Variants in LRRC7 observed in about 807,000 individuals in gnomAD.
LRRC7 encodes leucine-rich repeat-containing protein 7.
A neutral mutation model predicts 175.7 loss-of-function variants in LRRC7; 23 were observed. The ratio of observed to expected loss-of-function variants is 0.13; its 90% confidence interval spans 0.09 to 0.19. The LOEUF (loss-of-function observed/expected upper bound fraction) is 0.19, where lower values mean the gene tolerates loss of function less well. Among genes scored for constraint, LRRC7 ranks in the 10% least tolerant of loss-of-function variants. The pLI is 1.00. For missense variants in LRRC7, 1,354 were observed against 1,904.7 expected (o/e 0.71, Z 5.38); for synonymous variants, 685 against 680.9 (o/e 1.01, Z -0.09).
intron 1 of LRRC7, among the ~76,000 whole-genome samples, chr1:69,669,430 T>C (rs142488167): frequency 3.3e-5 from 5 of 152,342 alleles, no homozygotes; most frequent in African/African-American, 1.2e-4. Context: ...CTGAAAAGTC[T>C]GCTGCAAGAT....
intron 7 of LRRC7, among the ~76,000 whole-genome samples, chr1:69,884,767 C>G (rs1193150332): frequency 6.8e-6 from 1 of 147,000 alleles, no homozygotes; most frequent in Non-Finnish European, 1.5e-5. Flanking sequence ...ATAGGTAGCT[C>G]TTATTATTTT....
chr1:70,119,840 G>A (rs1225128998), intron 26 of LRRC7, among the ~76,000 whole-genome samples: 1 of 152,010 alleles, frequency 6.6e-6, no homozygotes, highest in Non-Finnish European at 1.5e-5. Flanking sequence ...TGCAGATAGA[G>A]AAATCTGAGC....
intron 8 of LRRC7, among the ~76,000 whole-genome samples, chr1:69,944,545 A>G (rs1649098468): frequency 6.6e-6 from 1 of 152,074 alleles, no homozygotes; most frequent in Non-Finnish European, 1.5e-5. Context: ...GCTGGATCAT[A>G]TAGTAGTTTT....
At chr1:69,638,339 A>C (rs1325542825) in intron 1 of LRRC7, among the ~76,000 whole-genome samples, 1 of 151,822 alleles carries the variant, frequency 6.6e-6, no homozygotes, top group East Asian at 1.9e-4. Flanking sequence ...TCAGATCTGT[A>C]CTTCTGTTTG....
rs769950298 is a variant in LRRC7, at chr1:70,039,330, T to C, written c.3506T>C (p.Val1169Ala). Residue 1169 changes from valine to alanine, a missense_variant, in exon 21 of 27, where the codon GTC (valine) becomes GCC (alanine). Physicochemically the swap from Val to Ala is moderately conservative, Grantham distance 64 (BLOSUM62 0). This residue lies in a region of LRRC7 where 1,032 missense variants were observed against 1,227.2 expected (regional missense o/e 0.84). Coordinates refer to ENST00000651989, the MANE Select transcript of LRRC7 (RefSeq NM_001370785.2). The part of the protein sequence containing the change: ...SATEMAMFRR[V>A]NEPHELPPTD... The stretch of plus-strand genomic sequence containing the variant: ...ACAGAAATGGCCATGTTTAGAAGGG[T>C]CAATGAGCCTCATGAGCTGCCCCCA... 20 of 1,613,756 alleles carry C rather than the reference T, an allele frequency of 1.2e-5. No homozygotes were observed. Among genetic ancestry groups the C allele is most frequent in the East Asian group, 4.5e-5 (2 of 44,858 alleles).
chr1:69,943,949 AACACAC>A (rs55900412), intron 8 of LRRC7, among the ~76,000 whole-genome samples: 3,801 of 145,468 alleles, frequency 0.026, 166 homozygotes, highest in African/African-American at 0.092. Context: ...TATCATGGTA[AACACAC>A]ACACACACAC....
intron 1 of LRRC7, among the ~76,000 whole-genome samples, chr1:69,671,805 T>C (rs375704305): frequency 5.3e-5 from 8 of 152,246 alleles, no homozygotes; most frequent in East Asian, 1.9e-4. Context: ...TTCAATGCGA[T>C]GTGTCATGCA....
intron 3 of LRRC7, among the ~76,000 whole-genome samples, chr1:69,781,921 A>AAAG (rs1218930625): frequency 1.9e-5 from 1 of 52,920 alleles, no homozygotes; most frequent in Non-Finnish European, 3.7e-5. Context: ...AAGAAGAAAG[A>AAAG]AAGAAAGAAA....
chr1:69,655,061 C>A (rs1477197757), intron 1 of LRRC7, among the ~76,000 whole-genome samples: 2 of 151,990 alleles, frequency 1.3e-5, no homozygotes, highest in African/African-American at 4.8e-5. Flanking sequence ...AACCAGTAGG[C>A]AAATTAATCC....
intron 11 of LRRC7, among the ~76,000 whole-genome samples, chr1:69,996,093 A>G (rs1393124883): frequency 6.6e-6 from 1 of 151,212 alleles, no homozygotes; most frequent in African/African-American, 2.4e-5. Flanking sequence ...AATGATTGCC[A>G]TTCTAACTGG....
At chr1:70,116,506 C>T (rs1665863828) in intron 26 of LRRC7, among the ~76,000 whole-genome samples, 1 of 147,246 alleles carries the variant, frequency 6.8e-6, no homozygotes, top group African/African-American at 2.5e-5. Context: ...AAGATCGCGC[C>T]ACTGCACTCT....
At chr1:70,082,030 A>C (rs559002762) in intron 24 of LRRC7, among the ~76,000 whole-genome samples, 2 of 152,350 alleles carry the variant, frequency 1.3e-5, no homozygotes, top group South Asian at 4.1e-4. Context: ...TCACTTTAAT[A>C]CTTAATATTA....
Position 70,036,225 on chromosome 1 carries a change from C to T in LRRC7, c.2100C>T (p.Asp700=), listed in dbSNP as rs1342922055. Residue 700 remains aspartate, a synonymous_variant, in exon 19 of 27, where the codon GAC becomes GAT. Coordinates refer to ENST00000651989, the MANE Select transcript of LRRC7 (RefSeq NM_001370785.2). Reference sequence around the variant, plus strand: ...CCAAACTTGTTCTGCTAGGGAAGGACAAAAAAGGTAACACTGTGAACCCAA... The same window carrying T: ...CCAAACTTGTTCTGCTAGGGAAGGATAAAAAAGGTAACACTGTGAACCCAA... ...YPPKLVLLGK[D]KKESTDESEV... is the part of the protein sequence containing the mutation. 8 of 1,609,014 alleles carry T rather than the reference C, an allele frequency of 5.0e-6. No homozygotes were observed. The Admixed American group carries it at 1.4e-4, about 27-fold the overall frequency.
chr1:69,764,009 G>A (rs1358473509), intron 3 of LRRC7, among the ~76,000 whole-genome samples: 2 of 151,926 alleles, frequency 1.3e-5, no homozygotes, highest in Non-Finnish European at 2.9e-5. Flanking sequence ...AGAACAAAAA[G>A]TCAAGGTAAA....
intron 5 of LRRC7, among the ~76,000 whole-genome samples, chr1:69,827,439 A>C (rs1364168600): frequency 6.6e-6 from 1 of 152,226 alleles, no homozygotes; most frequent in African/African-American, 2.4e-5. Flanking sequence ...TTCAGCAAAA[A>C]TGCATAACAC....
intron 8 of LRRC7, among the ~76,000 whole-genome samples, chr1:69,965,728 C>G (rs1176677432): frequency 6.6e-6 from 1 of 152,002 alleles, no homozygotes; most frequent in African/African-American, 2.4e-5. Context: ...ATGGTGCTAA[C>G]CTTTTCATCA....
At chr1:69,893,349 G>A (rs914905321) in intron 7 of LRRC7, among the ~76,000 whole-genome samples, 1 of 152,130 alleles carries the variant, frequency 6.6e-6, no homozygotes, top group Non-Finnish European at 1.5e-5. Flanking sequence ...ACTTTTCAAA[G>A]CACATGAAAC....
chr1:69,760,156 C>G (rs778877243), intron 2 of LRRC7, 35 bp from the exon 3 acceptor site: 25 of 1,600,026 alleles, frequency 1.6e-5, no homozygotes, highest in African/African-American at 2.7e-5. Context: ...ACTGGATAAG[C>G]TGTTTTGTTT....
At chr1:70,115,796 T>C (rs1338588754) in intron 26 of LRRC7, among the ~76,000 whole-genome samples, 2 of 150,776 alleles carry the variant, frequency 1.3e-5, no homozygotes, top group East Asian at 3.9e-4. Context: ...TTTAAGAGCC[T>C]GATAAAATGT....
Sources: gnomAD v4.1 joint callset for allele counts (sites outside exome capture counted in the v4.1 genomes callset) on GRCh38, gnomAD v4.1.1 for gene constraint, gnomAD v4.1.1 regional missense constraint, MANE v1.5 for transcripts, NCBI Gene and HGNC (gene_info 2026-07-23, HGNC 2026-07-21) for gene names.